The following CCDC171 variants were observed in gnomAD, a reference collection of about 807,000 sequenced individuals.
CCDC171 encodes the protein coiled-coil domain-containing protein 171.
A neutral mutation model predicts 168.2 loss-of-function variants in CCDC171; 177 were observed. That is an observed-to-expected ratio of 1.05 (90% confidence interval 0.93 to 1.19). The LOEUF is 1.19. Ranked by LOEUF, CCDC171 falls within the 50% of genes most tolerant of loss-of-function variation. The probability of loss-of-function intolerance (pLI) is 0.00; values close to 1 mark genes in which losing one functional copy is unlikely to be tolerated. For missense variants in CCDC171, 1,991 were observed against 1,539.0 expected, an observed-to-expected ratio of 1.29 and a Z score of -4.91; for synonymous variants, 687 against 540.8, an observed-to-expected ratio of 1.27 and a Z score of -3.75.
intron 23 of CCDC171, among the ~76,000 whole-genome samples, chr9:15,858,076 G>A (rs377049858): frequency 6.6e-6 from 1 of 151,936 alleles, no homozygotes; most frequent in African/African-American, 2.4e-5. Context: ...GGAGTGCAGT[G>A]GCATGATCTT....
intron 21 of CCDC171, among the ~76,000 whole-genome samples, chr9:15,796,002 C>A (rs2058537336): frequency 6.6e-6 from 1 of 152,090 alleles, no homozygotes; most frequent in Non-Finnish European, 1.5e-5. Context: ...TAAAAAAATT[C>A]AATATTTGAT....
intron 6 of CCDC171, among the ~76,000 whole-genome samples, chr9:15,607,522 C>T (rs546946168): frequency 1.3e-5 from 2 of 151,850 alleles, no homozygotes; most frequent in Admixed American, 1.3e-4. Flanking sequence ...AGTGCAGTGG[C>T]GCGATCTTGG....
At chr9:15,922,895 C>T (rs1825507702) in intron 25 of CCDC171, among the ~76,000 whole-genome samples, 1 of 151,402 alleles carries the variant, frequency 6.6e-6, no homozygotes. Flanking sequence ...GTCTTTTGCC[C>T]ATTTTAAAAA....
intron 1 of CCDC171, among the ~76,000 whole-genome samples, chr9:16,053,482 T>C (rs1833784198): frequency 6.6e-6 from 1 of 152,244 alleles, no homozygotes; most frequent in South Asian, 2.1e-4. Context: ...ACTGGACCCA[T>C]CCGCGCCTCA....
rs142999232 is a variant in CCDC171 at position 15,883,999 on chromosome 9, A to G, written c.3600+9336A>G. ...GAAATCCTTCCCCCTGTAGACACAA[A>G]TTACACCAGTAGCAGGGATTCTCAT... On this transcript the variant is annotated intron_variant, in intron 24 of 25. Coordinates refer to ENST00000380701, the MANE Select transcript of CCDC171 (RefSeq NM_173550.4). Among the ~76,000 whole-genome samples the G allele has an allele frequency of 1.8e-3, 276 of 152,294 alleles. 2 individuals carry two copies. The highest frequency in any genetic ancestry group is 6.2e-3 in the African/African-American group (258 of 41,568).
At chr9:16,061,873 G>A (rs1319273754), downstream of CCDC171, among the ~76,000 whole-genome samples, 1 of 152,124 alleles carries the variant, frequency 6.6e-6, no homozygotes, top group African/African-American at 2.4e-5. Flanking sequence ...CGGCAAACAG[G>A]CATGCAAAAC....
chr9:15,878,660 C>T (rs1818183717), intron 24 of CCDC171, among the ~76,000 whole-genome samples: 1 of 151,998 alleles, frequency 6.6e-6, no homozygotes, highest in African/African-American at 2.4e-5. Context: ...ATTGTTCTAC[C>T]ATAAAGACAC....
intron 18 of CCDC171, among the ~76,000 whole-genome samples, chr9:15,758,765 A>G (rs7853875): frequency 6.6e-6 from 1 of 152,106 alleles, no homozygotes; most frequent in Non-Finnish European, 1.5e-5. Context: ...GTGGTAGTGA[A>G]TAAGTCTCAC....
chr9:16,101,191 C>T, the CCDC171 span, among the ~76,000 whole-genome samples: 1 of 152,338 alleles, frequency 6.6e-6, no homozygotes, highest in South Asian at 2.1e-4. Context: ...CCAGTCTCTG[C>T]CTTTCAGCAG....
intron 25 of CCDC171, among the ~76,000 whole-genome samples, chr9:15,962,827 T>G (rs1245687747): frequency 6.6e-6 from 1 of 151,706 alleles, no homozygotes; most frequent in Middle Eastern, 3.2e-3. Context: ...GATTCTTTTT[T>G]CCAGAAAAAA....
chr9:15,717,052 T>C (rs1319695331), intron 11 of CCDC171, among the ~76,000 whole-genome samples: 1 of 152,202 alleles, frequency 6.6e-6, no homozygotes, highest in African/African-American at 2.4e-5. Context: ...TCACAGTACC[T>C]GTTTTAAACT....
chr9:16,101,770 T>C, the CCDC171 span, among the ~76,000 whole-genome samples: 9 of 152,148 alleles, frequency 5.9e-5, no homozygotes, highest in Admixed American at 2.0e-4. Flanking sequence ...AAGAATAGCC[T>C]CCAGTTGACA....
At chr9:15,583,026 A>G (rs771788109) in intron 4 of CCDC171, among the ~76,000 whole-genome samples, 5 of 152,168 alleles carry the variant, frequency 3.3e-5, no homozygotes, top group Non-Finnish European at 7.4e-5. Context: ...ATTATATGAA[A>G]AAGACACATG....
intron 23 of CCDC171, among the ~76,000 whole-genome samples, chr9:15,865,180 T>C (rs1437077050): frequency 6.6e-6 from 1 of 152,066 alleles, no homozygotes; most frequent in Admixed American, 6.6e-5. Context: ...TTTGCTGACA[T>C]CTTTTTGGAT....
the CCDC171 span, among the ~76,000 whole-genome samples, chr9:16,080,450 C>T: frequency 2.0e-5 from 3 of 152,148 alleles, no homozygotes; most frequent in Non-Finnish European, 4.4e-5. Flanking sequence ...TAATTGTTTT[C>T]TACGTCTTTT....
At chr9:15,994,916 A>C (rs1388147954) in intron 3 of CCDC171, among the ~76,000 whole-genome samples, 1 of 152,114 alleles carries the variant, frequency 6.6e-6, no homozygotes, top group Non-Finnish European at 1.5e-5. Flanking sequence ...GTCAGACATA[A>C]TTTTTCTCCT....
At chr9:15,903,743 AGTT>A (rs1418685362) in intron 24 of CCDC171, among the ~76,000 whole-genome samples, 3 of 151,692 alleles carry the variant, frequency 2.0e-5, no homozygotes, top group Non-Finnish European at 4.4e-5. Flanking sequence ...TAAAGGAGGA[AGTT>A]CGAACCCATG....
At chr9:15,760,781 T>C (rs2056399341) in intron 18 of CCDC171, among the ~76,000 whole-genome samples, 1 of 152,190 alleles carries the variant, frequency 6.6e-6, no homozygotes, top group Admixed American at 6.5e-5. Flanking sequence ...ACTTTGATGA[T>C]GAACTTATAG....
the CCDC171 span, among the ~76,000 whole-genome samples, chr9:16,085,079 A>G: frequency 1.3e-5 from 2 of 152,188 alleles, no homozygotes; most frequent in Non-Finnish European, 2.9e-5. Flanking sequence ...CCTTGCTTGG[A>G]TCCTGGGAGG....
Sources: allele counts gnomAD v4.1 joint callset (sites outside exome capture counted in the v4.1 genomes callset), GRCh38; gene constraint gnomAD v4.1.1; transcripts MANE v1.5; gene names NCBI Gene and HGNC (gene_info 2026-07-23, HGNC 2026-07-21).